P2RY2: variants seen among roughly 807,000 people sequenced by gnomAD.
P2RY2 encodes the protein P2Y purinoceptor 2.
For synonymous variants in P2RY2, 241 were observed against 231.9 expected (o/e 1.04, Z -0.35); for missense variants, 567 against 515.7 (o/e 1.10, Z -0.96).
rs749716137 is a variant in P2RY2, at chr11:73,234,316, G to C, written c.157G>C (p.Val53Leu). 1.7e-5 allele frequency: 27 copies of C among 1,613,710 alleles called. No homozygotes were observed. The highest frequency in any genetic ancestry group is 2.7e-5 in the African/African-American group (2 of 74,922). Residue 53 changes from valine to leucine, a missense_variant, in exon 3 of 3, where the codon GTG becomes CTG. Val to Leu is a conservative substitution (Grantham distance 32). Coordinates refer to ENST00000393597, the MANE Select transcript of P2RY2 (RefSeq NM_002564.4). ...CGTGCCTGGGCTGTGTCTGAACGCC[G>C]TGGCGCTCTACATCTTCTTGTGCCG... ...VCVPGLCLNA[V>L]ALYIFLCRLK...
At chr11:73,224,045 G>T (rs73536987) in intron 1 of P2RY2, among the ~76,000 whole-genome samples, 1 of 152,158 alleles carries the variant, frequency 6.6e-6, no homozygotes, top group East Asian at 1.9e-4. Flanking sequence ...CATCTGGGAG[G>T]GGGTAGAGAG....
Position 73,236,897 on chromosome 11 carries a change from C to G in P2RY2, c.*1604C>G. The G allele has an allele frequency of 1.0e-6, 1 of 985,146 alleles. No individual in the cohort carries two copies. The highest frequency in any genetic ancestry group is 1.2e-6 in the Non-Finnish European group (1 of 829,758). 61.0% of individuals were successfully genotyped at this position (985,146 alleles called of 1,614,324 possible). A position where few individuals can be genotyped will look rare whatever the true frequency, so the allele number is the denominator to read the frequency against. On this transcript the variant is annotated 3_prime_UTR_variant, in exon 3 of 3. Transcript: ENST00000393597. ...CAGCTGGACAGGGCCCCGCCCTAGC[C>G]TTTGGAAAGGGACAGGGCAAAGCTG...
At chr11:73,227,888 G>A (rs183235380) in intron 1 of P2RY2, 93 bp from the exon 2 acceptor site, 1 of 152,306 alleles carries the variant, frequency 6.6e-6, no homozygotes, top group African/African-American at 2.4e-5. Context: ...TCTGGTTAAG[G>A]TTACCACAAA....
chr11:73,234,135 C>G (rs771411392), intron 2 of P2RY2, 21 bp from the exon 3 acceptor site: 9 of 1,581,028 alleles, frequency 5.7e-6, no homozygotes, highest in Non-Finnish European at 7.7e-6. Flanking sequence ...CCTGATGGCC[C>G]CACCCCTCCC....
chr11:73,225,425 T>C (rs1450563961), intron 1 of P2RY2, among the ~76,000 whole-genome samples: 1 of 152,208 alleles, frequency 6.6e-6, no homozygotes, highest in African/African-American at 2.4e-5. Flanking sequence ...TTTCTGGCCT[T>C]AGTTTTTCTA....
intron 2 of P2RY2, 34 bp from the exon 3 acceptor site, chr11:73,234,122 A>C (rs747527555): frequency 1.3e-6 from 2 of 1,567,752 alleles, no homozygotes; most frequent in Non-Finnish European, 1.7e-6. Context: ...CTCCGGCCAC[A>C]ACCCTGATGG....
rs1393604094 is a variant in P2RY2, at chr11:73,238,045, AG to A, written c.*2755del. Among the ~76,000 whole-genome samples the A allele has an allele frequency of 6.6e-6, 1 of 152,202 alleles. No homozygotes were observed. Among genetic ancestry groups the A allele is most frequent in the African/African-American group, 2.4e-5 (1 of 41,438 alleles). On this transcript the variant is annotated 3_prime_UTR_variant, in exon 3 of 3. Coordinates refer to ENST00000393597, the MANE Select transcript of P2RY2 (RefSeq NM_002564.4). ...GTTGCCCATCCACTGAGCAGACCCC[AG>A]GGATTATCCAGCCCAGCTGCAGACT...
intron 2 of P2RY2, among the ~76,000 whole-genome samples, chr11:73,228,965 T>C (rs1021202655): frequency 6.6e-6 from 1 of 151,720 alleles, no homozygotes; most frequent in African/African-American, 2.4e-5. Flanking sequence ...GTGTGCCTCC[T>C]CTGGGCCCCC....
rs1862769405 is a variant in P2RY2 at position 73,241,344 on chromosome 11, A to AG, written c.*6054dup. ...GCCACAGGGCAGCTGATGCAGGAGC[A>AG]GGGCTCTGGCACAGTTCAGCCATCA... is the stretch of plus-strand genomic sequence containing the variant. On this transcript the variant is annotated 3_prime_UTR_variant, in exon 3 of 3. Coordinates refer to ENST00000393597, the MANE Select transcript of P2RY2 (RefSeq NM_002564.4). 6.6e-6 allele frequency: 1 copy of AG among 152,438 alleles called. No individual in the cohort carries two copies. Among genetic ancestry groups the AG allele is most frequent in the African/African-American group, 2.4e-5 (1 of 41,474 alleles). The allele number at this position is 152,438 out of a possible 1,614,324, so 9.4% of individuals were successfully genotyped here. A position where few individuals can be genotyped will look rare whatever the true frequency, so the allele number is the denominator to read the frequency against.
chr11:73,221,447 C>T (rs1256794234), intron 1 of P2RY2, among the ~76,000 whole-genome samples: 1 of 152,176 alleles, frequency 6.6e-6, no homozygotes, highest in African/African-American at 2.4e-5. Flanking sequence ...GGTCCTCTGG[C>T]TTCCAGGCTG....
rs1179636642 is a variant in P2RY2, at chr11:73,240,340, C to A, written c.*5047C>A. The A allele has an allele frequency of 6.5e-6, 1 of 152,954 alleles. No homozygotes were observed. The highest frequency in any genetic ancestry group is 2.4e-5 in the African/African-American group (1 of 41,458). 9.5% of individuals were successfully genotyped at this position (152,954 alleles called of 1,614,324 possible). On this transcript the variant is annotated 3_prime_UTR_variant, in exon 3 of 3. Coordinates refer to ENST00000393597, the MANE Select transcript of P2RY2 (RefSeq NM_002564.4). ...ACAATGACTGCCCTGGACCATTGTC[C>A]AGCAGTGACGCGGGGGACCTGCCTG...
chr11:73,234,166 G>A lies in P2RY2; in HGVS notation c.7G>A (p.Ala3Thr), dbSNP rs1236616135. The change falls in exon 3 of 3, where the codon GCA (alanine) becomes ACA (threonine). Residue 3 changes from alanine to threonine, a missense_variant. Transcript: ENST00000393597. MA[A>T]DLGPWNDTIN... ...CTCCCTTCCCTGCAGGGCGATGGCA[G>A]CAGACCTGGGCCCCTGGAATGACAC... 6.2e-7 allele frequency: 1 copy of A among 1,606,618 alleles called. No individual in the cohort carries two copies. Among genetic ancestry groups the A allele is most frequent in the East Asian group, 2.2e-5 (1 of 44,800 alleles).
rs1293931769 is a variant in P2RY2, at chr11:73,240,145, G to A, written c.*4852G>A. The A allele has an allele frequency of 5.9e-5, 9 of 152,364 alleles. No homozygotes were observed. The highest frequency in any genetic ancestry group is 6.5e-5 in the Admixed American group (1 of 15,292). The allele number at this position is 152,364 out of a possible 1,614,324, so 9.4% of individuals were successfully genotyped here. A position where few individuals can be genotyped will look rare whatever the true frequency, so the allele number is the denominator to read the frequency against. Reference sequence around the variant, plus strand: ...CCTCCTCCAATGGGGGAATTCCTGGGCTTGCCTCTGTCTTGGCTCCAGCTC... The same window carrying A: ...CCTCCTCCAATGGGGGAATTCCTGGACTTGCCTCTGTCTTGGCTCCAGCTC... On this transcript the variant is annotated 3_prime_UTR_variant, in exon 3 of 3. Coordinates refer to ENST00000393597, the MANE Select transcript of P2RY2 (RefSeq NM_002564.4).
chr11:73,229,601 C>G (rs1862388495), intron 2 of P2RY2, among the ~76,000 whole-genome samples: 1 of 151,996 alleles, frequency 6.6e-6, no homozygotes, highest in African/African-American at 2.4e-5. Flanking sequence ...TGAGTCTGGC[C>G]CAGGGCCACG....
rs1862737938 is a variant in P2RY2, at chr11:73,239,850, G to C, written c.*4557G>C. 6.6e-6 allele frequency: 1 copy of C among 152,388 alleles called. No individual in the cohort carries two copies. Among genetic ancestry groups the C allele is most frequent in the Admixed American group, 6.5e-5 (1 of 15,282 alleles). 9.4% of individuals were successfully genotyped at this position (152,388 alleles called of 1,614,324 possible). On this transcript the variant is annotated 3_prime_UTR_variant, in exon 3 of 3. Coordinates refer to ENST00000393597, the MANE Select transcript of P2RY2 (RefSeq NM_002564.4). ...CCCAGCATCAAGTGACCAGAGAAGTGAAGTGACCCCACTGCCGCCACACAG... is the reference window on the plus strand; with the variant it reads ...CCCAGCATCAAGTGACCAGAGAAGTCAAGTGACCCCACTGCCGCCACACAG...
Position 73,225,531 on chromosome 11 carries a change from A to G in P2RY2, c.-199-2450A>G, listed in dbSNP as rs75474796. ...CTGGCAGAGAACTGAGCAGACAGGC[A>G]GAGAGCTGTGGGGCCAAAAAGGGAT... is the stretch of plus-strand genomic sequence containing the variant. On this transcript the variant is annotated intron_variant, in intron 1 of 2. Coordinates refer to ENST00000393597, the MANE Select transcript of P2RY2 (RefSeq NM_002564.4). 5.4e-3 allele frequency among the ~76,000 whole-genome samples: 829 copies of G among 152,340 alleles called. 8 individuals are homozygous for G. The highest frequency in any genetic ancestry group is 0.019 in the African/African-American group (778 of 41,574).
intron 1 of P2RY2, among the ~76,000 whole-genome samples, chr11:73,224,633 A>G (rs1862224814): frequency 6.6e-6 from 1 of 152,156 alleles, no homozygotes; most frequent in Admixed American, 6.5e-5. Context: ...AGGGTGAGCG[A>G]GTGAAAGAGT....
intron 2 of P2RY2, among the ~76,000 whole-genome samples, chr11:73,233,308 A>AAGG (rs1261296447): frequency 5.9e-5 from 9 of 152,248 alleles, no homozygotes; most frequent in Admixed American, 1.3e-4. Flanking sequence ...ATAACTGAAG[A>AAGG]AGGAGACCCT....
At chr11:73,229,907 G>A (rs1053931055) in intron 2 of P2RY2, among the ~76,000 whole-genome samples, 1 of 152,086 alleles carries the variant, frequency 6.6e-6, no homozygotes, top group Non-Finnish European at 1.5e-5. Context: ...CTGTCCAAGT[G>A]GGGCAGAGGA....
Sources: allele counts gnomAD v4.1 joint callset (sites outside exome capture counted in the v4.1 genomes callset), GRCh38; gene constraint gnomAD v4.1.1; transcripts MANE v1.5; gene names NCBI Gene and HGNC (gene_info 2026-07-23, HGNC 2026-07-21).